The following RABGAP1L variants were observed in gnomAD, a reference collection of about 807,000 sequenced individuals.
RABGAP1L encodes the protein RAB GTPase activating protein 1 like.
Under a neutral mutation model 137.7 loss-of-function variants are expected in RABGAP1L, and 63 were observed. The ratio of observed to expected loss-of-function variants is 0.46; its 90% CI spans 0.37 to 0.56. RABGAP1L has a LOEUF of 0.56. Among genes scored for constraint, RABGAP1L ranks in the 20% least tolerant of loss-of-function variants. The pLI, the probability that RABGAP1L is intolerant of heterozygous loss-of-function variation, is 0.00. For missense variants in RABGAP1L, 1,095 were observed against 1,244.0 expected, an observed-to-expected ratio of 0.88 and a Z score of 1.80; for synonymous variants, 431 against 433.7, an observed-to-expected ratio of 0.99 and a Z score of 0.08.
chr1:174,190,210 G>A (rs930468891), intron 1 of RABGAP1L, among the ~76,000 whole-genome samples: 2 of 151,724 alleles, frequency 1.3e-5, no homozygotes, highest in Non-Finnish European at 2.9e-5. Flanking sequence ...GGCTGAGCCA[G>A]GAGAATCACT....
chr1:174,712,444 C>T (rs965293677), intron 17 of RABGAP1L, among the ~76,000 whole-genome samples: 2 of 152,082 alleles, frequency 1.3e-5, no homozygotes, highest in Non-Finnish European at 2.9e-5. Context: ...TAACACTCAC[C>T]GCGAAGGTCT....
chr1:174,317,554 T>A (rs1571187496), intron 11 of RABGAP1L, among the ~76,000 whole-genome samples: 1 of 152,198 alleles, frequency 6.6e-6, no homozygotes, highest in East Asian at 1.9e-4. Flanking sequence ...TCTCCTCTCC[T>A]CCAGTGGAAG....
rs561036258 is a variant in RABGAP1L at position 174,910,219 on chromosome 1, G to A, written c.2341-47238G>A. Among the ~76,000 whole-genome samples the A allele has an allele frequency of 7.9e-5, 12 of 152,178 alleles. No individual in the cohort carries two copies. The South Asian group carries it at 1.9e-3, about 24-fold the overall frequency. On this transcript the variant is annotated intron_variant, in intron 19 of 25. Transcript: ENST00000681986. ...CATCAAAGAGATGGAGATGCAAGGA[G>A]GGCTCAGTATATGCAAATAAATAAG... is the stretch of plus-strand genomic sequence containing the variant.
chr1:174,715,059 G>A (rs1356233357), intron 17 of RABGAP1L, among the ~76,000 whole-genome samples: 1 of 152,276 alleles, frequency 6.6e-6, no homozygotes, highest in East Asian at 1.9e-4. Flanking sequence ...CCTCAGGGTT[G>A]AAGTGGTAGC....
intron 12 of RABGAP1L, among the ~76,000 whole-genome samples, chr1:174,386,549 C>T (rs1218921068): frequency 6.6e-6 from 1 of 151,570 alleles, no homozygotes; most frequent in Admixed American, 6.6e-5. Context: ...CTCTTGTTGC[C>T]CAGGCTGGAG....
chr1:174,335,244 A>G (rs1365436856), intron 11 of RABGAP1L, among the ~76,000 whole-genome samples: 3 of 152,244 alleles, frequency 2.0e-5, no homozygotes, highest in African/African-American at 7.2e-5. Flanking sequence ...TGGCATAAAA[A>G]TGCTTTCCTG....
At chr1:174,267,258 CAT>C (rs1674150902) in intron 7 of RABGAP1L, among the ~76,000 whole-genome samples, 1 of 152,162 alleles carries the variant, frequency 6.6e-6, no homozygotes, top group South Asian at 2.1e-4. Context: ...CAGTTGAAGA[CAT>C]CATTTCAGGG....
chr1:174,301,739 G>C (rs1677727064), intron 10 of RABGAP1L, among the ~76,000 whole-genome samples: 1 of 152,142 alleles, frequency 6.6e-6, no homozygotes, highest in African/African-American at 2.4e-5. Context: ...AGATTGGGGA[G>C]TGTATGCTGA....
At chr1:174,167,694 A>C (rs1665025073) in intron 1 of RABGAP1L, among the ~76,000 whole-genome samples, 1 of 152,240 alleles carries the variant, frequency 6.6e-6, no homozygotes, top group Non-Finnish European at 1.5e-5. Context: ...CAGTAAGCAA[A>C]ATTAGAAGAC....
intron 19 of RABGAP1L, among the ~76,000 whole-genome samples, chr1:174,834,066 C>T (rs1306246195): frequency 6.6e-6 from 1 of 152,054 alleles, no homozygotes. Context: ...TAATGTGTGG[C>T]TTAGTAGGAA....
intron 10 of RABGAP1L, among the ~76,000 whole-genome samples, chr1:174,303,291 C>A (rs922603110): frequency 1.3e-5 from 2 of 151,686 alleles, no homozygotes; most frequent in African/African-American, 2.4e-5. Flanking sequence ...AAAAAAAAAT[C>A]CAGATTCCTA....
At chr1:174,522,917 C>T (rs760565771) in intron 13 of RABGAP1L, among the ~76,000 whole-genome samples, 1 of 152,176 alleles carries the variant, frequency 6.6e-6, no homozygotes, top group Non-Finnish European at 1.5e-5. Flanking sequence ...TCACCTCCCA[C>T]CTAAGCCTCA....
chr1:174,709,566 G>T (rs913448827), intron 17 of RABGAP1L, among the ~76,000 whole-genome samples: 2 of 152,116 alleles, frequency 1.3e-5, no homozygotes, highest in Non-Finnish European at 2.9e-5. Context: ...GCAAACTCCA[G>T]CAGACCTGCA....
intron 14 of RABGAP1L, 115 bp from the exon 15 acceptor site, chr1:174,683,407 G>A (rs1458367974): frequency 4.2e-6 from 3 of 713,920 alleles, no homozygotes; most frequent in African/African-American, 3.6e-5. Flanking sequence ...AAAGACCAGT[G>A]GAATTGTGGT....
intron 1 of RABGAP1L, among the ~76,000 whole-genome samples, chr1:174,194,698 C>A (rs2148352471): frequency 6.6e-6 from 1 of 152,132 alleles, no homozygotes; most frequent in East Asian, 1.9e-4. Context: ...GCCACAGTCT[C>A]TTGAATAGTC....
At chr1:174,415,557 T>G (rs912710012) in intron 13 of RABGAP1L, among the ~76,000 whole-genome samples, 13 of 152,076 alleles carry the variant, frequency 8.5e-5, no homozygotes, top group South Asian at 8.3e-4. Flanking sequence ...AGGTGACAAA[T>G]TTTTTGAAGA....
chr1:174,570,469 A>G (rs1051065466), intron 13 of RABGAP1L, among the ~76,000 whole-genome samples: 2 of 152,136 alleles, frequency 1.3e-5, no homozygotes, highest in African/African-American at 4.8e-5. Flanking sequence ...TAAACATTTG[A>G]TACACACGAA....
At chr1:174,269,157 A>T (rs1674336878) in intron 7 of RABGAP1L, among the ~76,000 whole-genome samples, 1 of 152,042 alleles carries the variant, frequency 6.6e-6, no homozygotes, top group South Asian at 2.1e-4. Flanking sequence ...GTTAGCCAGG[A>T]TGGTCTCAAT....
chr1:174,489,584 C>G (rs1017844148), intron 13 of RABGAP1L, among the ~76,000 whole-genome samples: 3 of 151,656 alleles, frequency 2.0e-5, no homozygotes, highest in Admixed American at 6.6e-5. Flanking sequence ...GTTGGTGGGA[C>G]TGTAAACTAG....
Sources: gnomAD v4.1 joint callset for allele counts (sites outside exome capture counted in the v4.1 genomes callset) on GRCh38, gnomAD v4.1.1 for gene constraint, MANE v1.5 for transcripts, NCBI Gene and HGNC (gene_info 2026-07-23, HGNC 2026-07-21) for gene names.